The following CSMD1 variants were observed in gnomAD, a reference collection of about 807,000 sequenced individuals.
CSMD1 encodes CUB and Sushi multiple domains 1, also known as CUB and sushi domain-containing protein 1.
CSMD1 carries 213 observed loss-of-function variants against 417.5 expected under a neutral mutation model. That is an observed-to-expected ratio of 0.51 (90% CI 0.46 to 0.57). The LOEUF (loss-of-function observed/expected upper bound fraction) is 0.57, where lower values mean the gene tolerates loss of function less well. CSMD1 is among the 20% of genes least tolerant of loss of function. The probability of loss-of-function intolerance (pLI) is 0.00; values close to 1 mark genes in which losing one functional copy is unlikely to be tolerated. For synonymous variants in CSMD1, 2,862 were observed against 1,736.8 expected (o/e 1.65, Z -16.11); for missense variants, 6,923 against 4,529.7 (o/e 1.53, Z -15.17).
At chr8:4,797,086 G>C (rs990392219) in intron 1 of CSMD1, among the ~76,000 whole-genome samples, 5 of 152,188 alleles carry the variant, frequency 3.3e-5, no homozygotes, top group Non-Finnish European at 7.3e-5. Flanking sequence ...CTGGAATGCA[G>C]TGAGAATCGA....
chr8:3,038,220 C>G (rs1183647209), intron 50 of CSMD1, among the ~76,000 whole-genome samples: 1 of 152,196 alleles, frequency 6.6e-6, no homozygotes, highest in Non-Finnish European at 1.5e-5. Flanking sequence ...TTCACCTCAT[C>G]CAGTTAGTGA....
chr8:3,999,199 A>C (rs1317874142), intron 4 of CSMD1, among the ~76,000 whole-genome samples: 1 of 151,100 alleles, frequency 6.6e-6, no homozygotes, highest in East Asian at 1.9e-4. Context: ...CCTATCCATA[A>C]TATATATTTA....
At chr8:3,720,823 C>CT (rs149569086) in intron 6 of CSMD1, among the ~76,000 whole-genome samples, 8,725 of 151,072 alleles carry the variant, frequency 0.058, 566 homozygotes, top group African/African-American at 0.16. Context: ...ACGTTTGAGA[C>CT]TTTTTTTTTC....
intron 3 of CSMD1, among the ~76,000 whole-genome samples, chr8:4,250,175 T>C (rs1272877670): frequency 2.0e-5 from 3 of 152,184 alleles, no homozygotes; most frequent in African/African-American, 4.8e-5. Context: ...TGTGAACCAA[T>C]ACATTTCTTT....
At chr8:3,902,035 GTTC>G (rs1342259954) in intron 5 of CSMD1, among the ~76,000 whole-genome samples, 4 of 151,810 alleles carry the variant, frequency 2.6e-5, no homozygotes, top group African/African-American at 7.3e-5. Flanking sequence ...ATTATACGTT[GTTC>G]TTCTTTTGCA....
At chr8:4,482,319 C>T (rs1801145019) in intron 2 of CSMD1, among the ~76,000 whole-genome samples, 1 of 152,122 alleles carries the variant, frequency 6.6e-6, no homozygotes, top group Non-Finnish European at 1.5e-5. Flanking sequence ...TCATTCAGCT[C>T]CCATTTATAA....
intron 1 of CSMD1, among the ~76,000 whole-genome samples, chr8:4,898,584 C>T (rs1804658152): frequency 6.6e-6 from 1 of 152,166 alleles, no homozygotes; most frequent in Non-Finnish European, 1.5e-5. Context: ...AAATCATATC[C>T]TAGTTCTTTG....
intron 1 of CSMD1, among the ~76,000 whole-genome samples, chr8:4,715,560 A>G (rs1563204041): frequency 6.6e-6 from 1 of 152,100 alleles, no homozygotes; most frequent in Non-Finnish European, 1.5e-5. Context: ...CCAACGGTCC[A>G]CCCTGAACTT....
chr8:4,254,686 C>T (rs185338451), intron 3 of CSMD1, among the ~76,000 whole-genome samples: 2 of 152,210 alleles, frequency 1.3e-5, no homozygotes, highest in East Asian at 3.9e-4. Flanking sequence ...CGTTTCACTC[C>T]ATATTTTTAC....
intron 3 of CSMD1, among the ~76,000 whole-genome samples, chr8:4,386,039 T>C (rs1011655140): frequency 1.9e-4 from 29 of 152,192 alleles, no homozygotes; most frequent in African/African-American, 6.8e-4. Context: ...ATTTCTCCAG[T>C]CTGTGCCATC....
intron 32 of CSMD1, among the ~76,000 whole-genome samples, chr8:3,200,837 T>G (rs1224197616): frequency 6.6e-6 from 1 of 152,192 alleles, no homozygotes; most frequent in Non-Finnish European, 1.5e-5. Flanking sequence ...TAATCAAATC[T>G]GAACATTAAT....
At position 4,732,060 on chromosome 8, in the gene CSMD1, A is replaced by G. The variant is rs1397208104; in HGVS notation, c.86-94502T>C. On this transcript the variant is annotated intron_variant, in intron 1 of 69. Transcript: ENST00000635120. ...GCCTCCCCCATGCCCGTAGCTTTAC[A>G]TCTCTCTTGCTAATCTTTCCAACAG... is the stretch of plus-strand genomic sequence containing the variant. 2.0e-5 allele frequency among the ~76,000 whole-genome samples: 3 copies of G among 152,226 alleles called. No individual in the cohort carries two copies. In the South Asian group the frequency reaches 6.2e-4, roughly 32 times the overall value.
chr8:3,779,150 TG>T (rs1799044993), intron 5 of CSMD1, among the ~76,000 whole-genome samples: 1 of 16,540 alleles, frequency 6.0e-5, no homozygotes, highest in East Asian at 2.6e-3. Flanking sequence ...CGTGCATACT[TG>T]TGTGTGTGTG....
At chr8:3,203,707 G>A (rs576877388) in intron 31 of CSMD1, among the ~76,000 whole-genome samples, 9 of 152,188 alleles carry the variant, frequency 5.9e-5, no homozygotes, top group African/African-American at 1.9e-4. Flanking sequence ...ATAAATAACA[G>A]GAGTGACTAA....
intron 1 of CSMD1, among the ~76,000 whole-genome samples, chr8:4,668,134 C>G (rs1805056016): frequency 6.6e-6 from 1 of 152,126 alleles, no homozygotes; most frequent in Non-Finnish European, 1.5e-5. Flanking sequence ...GTATCAAACT[C>G]AATGAGTTTT....
intron 5 of CSMD1, among the ~76,000 whole-genome samples, chr8:3,911,389 A>G (rs2627410): frequency 0.38 from 57,335 of 151,574 alleles, 13,618 homozygotes; most frequent in African/African-American, 0.68. Flanking sequence ...TTAGCTGGGT[A>G]TGGTGGCGGG....
At chr8:4,006,762 A>G (rs2130402743) in intron 4 of CSMD1, among the ~76,000 whole-genome samples, 1 of 150,172 alleles carries the variant, frequency 6.7e-6, no homozygotes, top group East Asian at 2.0e-4. Context: ...ACCACTATTT[A>G]TTACGGCTTA....
chr8:3,603,012 A>G (rs1381795896), intron 8 of CSMD1, among the ~76,000 whole-genome samples: 1 of 152,154 alleles, frequency 6.6e-6, no homozygotes, highest in Non-Finnish European at 1.5e-5. Context: ...GAGAGGGAGG[A>G]TATTCCACCA....
rs1032325032 is a variant in CSMD1 at position 4,458,031 on chromosome 8, A to G, written c.303-37966T>C. Among the ~76,000 whole-genome samples the G allele has an allele frequency of 2.0e-5, 3 of 152,100 alleles. No homozygotes were observed. The South Asian group carries it at 6.2e-4, about 32-fold the overall frequency. On this transcript the variant is annotated intron_variant, in intron 2 of 69. Coordinates refer to ENST00000635120, the MANE Select transcript of CSMD1 (RefSeq NM_033225.6). ...TTCTCCCTATATCCGGTATTCCTCT[A>G]TTCTTTAAAATTCCTTTTACCCCTG...
Sources: allele counts gnomAD v4.1 joint callset (sites outside exome capture counted in the v4.1 genomes callset), GRCh38; gene constraint gnomAD v4.1.1; transcripts MANE v1.5; gene names NCBI Gene and HGNC (gene_info 2026-07-23, HGNC 2026-07-21).